Variants in SIDT1 observed in about 807,000 individuals in gnomAD.
SIDT1 encodes SID1 transmembrane family member 1, also known as SID1 transmembrane family, member 1.
In SIDT1, 101 loss-of-function variants were observed where a neutral mutation model predicts 107.5. That is an observed-to-expected ratio of 0.94 (90% CI 0.80 to 1.11). SIDT1 has a LOEUF of 1.11. Among genes scored for constraint, SIDT1 ranks in the 50% least tolerant of loss-of-function variants. The probability of loss-of-function intolerance (pLI) is 0.00; values close to 1 mark genes in which losing one functional copy is unlikely to be tolerated. For synonymous variants in SIDT1, 395 were observed against 398.2 expected (o/e 0.99, Z 0.10); for missense variants, 1,076 against 1,058.2 (o/e 1.02, Z -0.23).
chr3:113,614,785 G>A (rs977394744), intron 19 of SIDT1, among the ~76,000 whole-genome samples: 1 of 152,212 alleles, frequency 6.6e-6, no homozygotes, highest in Non-Finnish European at 1.5e-5. Flanking sequence ...TCATGAGAGA[G>A]GCTGGATTAT....
intron 4 of SIDT1, among the ~76,000 whole-genome samples, chr3:113,577,626 C>T (rs2107483126): frequency 6.6e-6 from 1 of 152,222 alleles, no homozygotes; most frequent in East Asian, 1.9e-4. Context: ...TTTCTAGCTA[C>T]CTTCCTTTTT....
intron 10 of SIDT1, among the ~76,000 whole-genome samples, chr3:113,594,270 G>T (rs1414585113): frequency 6.6e-6 from 1 of 152,138 alleles, no homozygotes; most frequent in Non-Finnish European, 1.5e-5. Flanking sequence ...TAAACATTCA[G>T]CTGTCAATAT....
intron 1 of SIDT1, among the ~76,000 whole-genome samples, chr3:113,547,352 T>C (rs1305549307): frequency 6.6e-6 from 1 of 152,148 alleles, no homozygotes; most frequent in East Asian, 1.9e-4. Context: ...AAAGTTGATC[T>C]CATAGAAGGA....
intron 13 of SIDT1, among the ~76,000 whole-genome samples, chr3:113,604,545 G>T (rs993778686): frequency 3.3e-5 from 5 of 152,114 alleles, no homozygotes; most frequent in Non-Finnish European, 4.4e-5. Context: ...TTTTACAAAT[G>T]GTTGTAAGAA....
intron 1 of SIDT1, among the ~76,000 whole-genome samples, chr3:113,546,675 A>G (rs918507642): frequency 5.9e-5 from 9 of 151,726 alleles, no homozygotes; most frequent in African/African-American, 1.9e-4. Flanking sequence ...TTTGGTTTCA[A>G]CTGTTATTTA....
intron 11 of SIDT1, chr3:113,601,895 T>C: frequency 2.2e-6 from 1 of 450,810 alleles, no homozygotes; most frequent in Non-Finnish European, 3.9e-6. Context: ...GCAGAATTCC[T>C]TCAATGTTTG....
intron 2 of SIDT1, among the ~76,000 whole-genome samples, chr3:113,566,858 A>G (rs543501980): frequency 3.5e-4 from 54 of 152,308 alleles, no homozygotes; most frequent in African/African-American, 1.2e-3. Context: ...AGCAGTTAAC[A>G]TAAGTGAGTA....
chr3:113,570,811 A>G (rs1034017630), intron 3 of SIDT1, among the ~76,000 whole-genome samples: 5 of 152,236 alleles, frequency 3.3e-5, no homozygotes, highest in Non-Finnish European at 7.3e-5. Flanking sequence ...GTGGCAGCCT[A>G]TAATGTATAT....
intron 23 of SIDT1, among the ~76,000 whole-genome samples, 194 bp downstream of exon 23, chr3:113,623,927 A>G (rs538059829): frequency 2.4e-4 from 37 of 152,334 alleles, no homozygotes; most frequent in Non-Finnish European, 4.4e-4. Context: ...GCACTTTATA[A>G]ATCTGTAAGT....
At chr3:113,616,541 A>C (rs886548631) in intron 20 of SIDT1, among the ~76,000 whole-genome samples, 1 of 152,122 alleles carries the variant, frequency 6.6e-6, no homozygotes, top group East Asian at 1.9e-4. Context: ...CAGGAAGAAT[A>C]GCTAATGAAT....
rs1944358867 is a variant in SIDT1, at chr3:113,593,961, T to C, written c.1045+913T>C. Among the ~76,000 whole-genome samples the C allele has an allele frequency of 2.0e-5, 3 of 152,216 alleles. 1 individual carries two copies. The South Asian group carries it at 6.2e-4, about 32-fold the overall frequency. ...AACAAAATTAAAAATTTAAATGTCC[T>C]CATTTTTGAAAAACCTAAACTCAGT... On this transcript the variant is annotated intron_variant, in intron 10 of 24. Coordinates refer to ENST00000264852, the MANE Select transcript of SIDT1 (RefSeq NM_017699.3).
At chr3:113,534,305 G>A (rs574124008) in intron 1 of SIDT1, among the ~76,000 whole-genome samples, 1 of 152,316 alleles carries the variant, frequency 6.6e-6, no homozygotes, top group African/African-American at 2.4e-5. Context: ...CAAAGTGAGG[G>A]TGGTTTGTAT....
intron 9 of SIDT1, among the ~76,000 whole-genome samples, chr3:113,591,483 G>GAA (rs571598589): frequency 1.4e-5 from 2 of 142,792 alleles, no homozygotes; most frequent in Non-Finnish European, 3.1e-5. Context: ...AAACAATCCT[G>GAA]AAAAAAAAAA....
intron 3 of SIDT1, among the ~76,000 whole-genome samples, chr3:113,572,852 GAT>G (rs1942579305): frequency 6.6e-6 from 1 of 152,188 alleles, no homozygotes. Flanking sequence ...GTGTGAGTGA[GAT>G]AGCTCAGCTA....
chr3:113,610,523 A>G (rs1296479963), intron 17 of SIDT1, among the ~76,000 whole-genome samples: 2 of 152,204 alleles, frequency 1.3e-5, no homozygotes, highest in Non-Finnish European at 2.9e-5. Flanking sequence ...GCTATTTTCC[A>G]TCACTAGGCT....
intron 9 of SIDT1, 21 bp from the exon 10 acceptor site, chr3:113,592,984 T>G: frequency 6.3e-7 from 1 of 1,597,036 alleles, no homozygotes; most frequent in Non-Finnish European, 8.6e-7. Flanking sequence ...CTTAGGAGCA[T>G]GTGTATGTGC....
At position 113,545,114 on chromosome 3, in the gene SIDT1, T is replaced by TAAAAAAAA. The variant is rs554009768; in HGVS notation, c.222+11891_222+11898dup. Among the ~76,000 whole-genome samples, 82 of 73,968 alleles carry TAAAAAAAA rather than the reference T, an allele frequency of 1.1e-3. 6 individuals are homozygous for TAAAAAAAA. The highest frequency in any genetic ancestry group is 2.6e-3 in the African/African-American group (45 of 17,206). The allele number at this position is 73,968 out of a possible 152,430, so 48.5% of individuals were successfully genotyped here. Reference sequence around the variant, plus strand: ...CGGGCGACAGAGCGAGAGACTCTGTTAAAAAAAAAAAAAAAAAAAAAAAAA... The same window carrying TAAAAAAAA: ...CGGGCGACAGAGCGAGAGACTCTGTTAAAAAAAAAAAAAAAAAAAAAAAAAAAAAAAAA... On this transcript the variant is annotated intron_variant, in intron 1 of 24. Coordinates refer to ENST00000264852, the MANE Select transcript of SIDT1 (RefSeq NM_017699.3).
intron 19 of SIDT1, 89 bp downstream of exon 19, chr3:113,612,283 T>A: frequency 1.1e-6 from 1 of 920,060 alleles, no homozygotes; most frequent in East Asian, 2.5e-5. Context: ...AATGAAAGTG[T>A]CACTGGTCAC....
At chr3:113,584,418 G>C (rs1173413969) in intron 7 of SIDT1, among the ~76,000 whole-genome samples, 2 of 152,214 alleles carry the variant, frequency 1.3e-5, no homozygotes, top group African/African-American at 2.4e-5. Context: ...CTCTTCATTG[G>C]AGAAGGGAGG....
Sources: allele counts gnomAD v4.1 joint callset (sites outside exome capture counted in the v4.1 genomes callset), GRCh38; gene constraint gnomAD v4.1.1; transcripts MANE v1.5; gene names NCBI Gene and HGNC (gene_info 2026-07-23, HGNC 2026-07-21).